Variants in IFFO1 observed in about 807,000 individuals in gnomAD.
The protein encoded by IFFO1 is intermediate filament family orphan 1.
A neutral mutation model predicts 59.6 loss-of-function variants in IFFO1; 42 were observed. That is an observed-to-expected ratio of 0.70 (90% CI 0.55 to 0.91). The LOEUF (loss-of-function observed/expected upper bound fraction) is 0.91, where lower values mean the gene tolerates loss of function less well. IFFO1 is among the 40% of genes least tolerant of loss of function. The pLI is 0.00. For missense variants in IFFO1, 711 were observed against 793.2 expected (o/e 0.90, Z 1.24); for synonymous variants, 336 against 342.8 (o/e 0.98, Z 0.22).
rs754204633 is a variant in IFFO1 at position 6,555,872 on chromosome 12, G to T, written c.158C>A (p.Pro53Gln). ...AGGCGGGGCCGGGCCCGGCCCGGGC[G>T]GCGAGTAGGCAGCAGGGCCGGCCGG... ...LSPAGPAAYSPPGPGPAPPAA... is the reference protein window; with the variant it reads ...LSPAGPAAYSQPGPGPAPPAA... The change falls in exon 1 of 10, where the codon CCG becomes CAG. Residue 53 changes from proline (P) to glutamine (Q), a missense_variant. Physicochemically the swap from Pro to Gln is moderately conservative, Grantham distance 76. Transcript: ENST00000619571. This position sits in a 1 kb window ranked among gnomAD's most constrained non-coding sequence, Gnocchi z 8.6. 2 of 1,605,434 alleles carry T rather than the reference G, an allele frequency of 1.2e-6. No individual in the cohort carries two copies. Among genetic ancestry groups the T allele is most frequent in the African/African-American group, 1.3e-5 (1 of 74,212 alleles).
At position 6,540,040 on chromosome 12, in the gene IFFO1, C is replaced by T. The variant is rs953946395; in HGVS notation, c.*443G>A. On this transcript the variant is annotated 3_prime_UTR_variant, in exon 10 of 10. Transcript: ENST00000619571. The stretch of plus-strand genomic sequence containing the variant: ...AGCTGCGTGTGCTGCAGAGGCCATG[C>T]GTAGCCTCCAGCTGCATTCTATTCC... The T allele has an allele frequency of 1.4e-5, 3 of 221,016 alleles. No individual in the cohort carries two copies. Among genetic ancestry groups the T allele is most frequent in the Admixed American group, 5.3e-5 (1 of 18,980 alleles). 13.7% of individuals were successfully genotyped at this position (221,016 alleles called of 1,614,324 possible). A position where few individuals can be genotyped will look rare whatever the true frequency, so the allele number is the denominator to read the frequency against.
chr12:6,550,934 C>T lies in IFFO1; in HGVS notation c.834+7G>A. On this transcript the variant is annotated splice_region_variant and intron_variant, in intron 2 of 9. Transcript: ENST00000619571. ...AGCACCAGCAGCAAGTGGGGCGCCA[C>T]CCTCACCTCCTGGAGCTCATTTACA... 4 of 1,613,998 alleles carry T rather than the reference C, an allele frequency of 2.5e-6. No homozygotes were observed. The highest frequency in any genetic ancestry group is 1.7e-4 in the Middle Eastern group (1 of 6,060).
intron 1 of IFFO1, among the ~76,000 whole-genome samples, chr12:6,554,453 T>C (rs1271936828): frequency 6.6e-6 from 1 of 152,208 alleles, no homozygotes; most frequent in Non-Finnish European, 1.5e-5. Context: ...ATCACATCCC[T>C]TTCCCTTGCC....
chr12:6,551,069 T>A (rs1947213401), intron 1 of IFFO1, 68 bp from the exon 2 acceptor site: 3 of 1,487,446 alleles, frequency 2.0e-6, no homozygotes, highest in Non-Finnish European at 2.8e-6. Context: ...TGGCTCCCTG[T>A]CCCCACCTCT....
In IFFO1 at chr12:6,540,600, C is replaced by T; in HGVS notation, c.1611-12G>A. On this transcript the variant is annotated splice_polypyrimidine_tract_variant and intron_variant, in intron 9 of 9. Coordinates refer to ENST00000619571, the MANE Select transcript of IFFO1 (RefSeq NM_001193457.2). The stretch of plus-strand genomic sequence containing the variant: ...AAGCAGGAGACTTTCTAGAAAAAAA[C>T]ACCAGTTGTCAACCTTGGGGCAGGC... The T allele has an allele frequency of 6.2e-7, 1 of 1,608,944 alleles. No individual in the cohort carries two copies. Among genetic ancestry groups the T allele is most frequent in the South Asian group, 1.1e-5 (1 of 90,954 alleles).
Position 6,549,491 on chromosome 12 carries a change from A to C in IFFO1, c.1072-7T>G, listed in dbSNP as rs376580590. 16 of 1,611,474 alleles carry C rather than the reference A, an allele frequency of 9.9e-6. No homozygotes were observed. The African/African-American group carries it at 2.0e-4, about 20-fold the overall frequency. ...TCAAACTAACCAGCTTCTTCTGTGG[A>C]GGAAGCAAGAGAGAAGATGAGAGGA... On this transcript the variant is annotated splice_region_variant and splice_polypyrimidine_tract_variant and intron_variant, in intron 4 of 9. Transcript: ENST00000619571. The surrounding 1 kb of genome is among the most constrained non-coding windows in gnomAD (Gnocchi z 5.0).
At chr12:6,552,072 G>T (rs990251577) in intron 1 of IFFO1, among the ~76,000 whole-genome samples, 2 of 152,188 alleles carry the variant, frequency 1.3e-5, no homozygotes, top group Non-Finnish European at 2.9e-5. Context: ...GAAGGGAGGG[G>T]AACTGCACCA....
chr12:6,538,966 A>G (rs1280052484), downstream of IFFO1: 1 of 152,224 alleles, frequency 6.6e-6, no homozygotes, highest in African/African-American at 2.4e-5. Flanking sequence ...CCCACCTCGC[A>G]TAGTTTTGAG....
At chr12:6,546,671 C>T (rs956731848) in intron 8 of IFFO1, among the ~76,000 whole-genome samples, 3 of 151,120 alleles carry the variant, frequency 2.0e-5, no homozygotes, top group African/African-American at 2.4e-5. Context: ...TTGTATTTTT[C>T]GTAGAGACGG....
chr12:6,541,505 C>T lies in IFFO1; in HGVS notation c.1610+7G>A, dbSNP rs371732239. On this transcript the variant is annotated splice_region_variant and intron_variant, in intron 9 of 9. Transcript: ENST00000619571. This position sits in a 1 kb window ranked among gnomAD's most constrained non-coding sequence, Gnocchi z 4.8. ...TGGAAGGCCCCATGCCCAGGGGAGG[C>T]GCCTACCGGTCTCCAGACTGGGTGA... 3.2e-5 allele frequency: 52 copies of T among 1,613,010 alleles called. No homozygotes were observed. The Admixed American group carries it at 4.0e-4, about 12-fold the overall frequency.
chr12:6,549,602 C>T lies in IFFO1; in HGVS notation c.1072-118G>A. The T allele has an allele frequency of 7.5e-7, 1 of 1,331,780 alleles. No homozygotes were observed. The highest frequency in any genetic ancestry group is 1.1e-6 in the Non-Finnish European group (1 of 935,444). The allele number at this position is 1,331,780 out of a possible 1,614,324, so 82.5% of individuals were successfully genotyped here. A position where few individuals can be genotyped will look rare whatever the true frequency, so the allele number is the denominator to read the frequency against. On this transcript the variant is annotated intron_variant, in intron 4 of 9. Coordinates refer to ENST00000619571, the MANE Select transcript of IFFO1 (RefSeq NM_001193457.2). This position sits in a 1 kb window ranked among gnomAD's most constrained non-coding sequence, Gnocchi z 5.0. Reference sequence around the variant, plus strand: ...AGCTTCCACGATGCCCCTCCTGATGCTGCTCCTTACCCCCCAGTCTAGCCC... The same window carrying T: ...AGCTTCCACGATGCCCCTCCTGATGTTGCTCCTTACCCCCCAGTCTAGCCC...
chr12:6,540,455 GC>G lies in IFFO1; in HGVS notation c.*27del. On this transcript the variant is annotated 3_prime_UTR_variant, in exon 10 of 10. Coordinates refer to ENST00000619571, the MANE Select transcript of IFFO1 (RefSeq NM_001193457.2). Reference sequence around the variant, plus strand: ...CCTCGCTGAGCTCCCTGCTGCGAGGGCCTCGGGTGCAAGGGGGAGGCAGGTC... The same window carrying G: ...CCTCGCTGAGCTCCCTGCTGCGAGGGCTCGGGTGCAAGGGGGAGGCAGGTC... 6.4e-7 allele frequency: 1 copy of G among 1,566,378 alleles called. No individual in the cohort carries two copies.
At chr12:6,545,721 T>C (rs1946930058) in intron 8 of IFFO1, among the ~76,000 whole-genome samples, 2 of 147,232 alleles carry the variant, frequency 1.4e-5, no homozygotes, top group African/African-American at 2.5e-5. Context: ...AAAACCTCAC[T>C]CTATCCAGAC....
Position 6,555,895 on chromosome 12 carries a change from C to T in IFFO1, c.135G>A (p.Pro45=), listed in dbSNP as rs1336477602. The T allele has an allele frequency of 4.4e-6, 7 of 1,575,266 alleles. No individual in the cohort carries two copies. Among genetic ancestry groups the T allele is most frequent in the Non-Finnish European group, 6.0e-6 (7 of 1,164,510 alleles). The change falls in exon 1 of 10, where the codon CCG becomes CCA. Residue 45 remains proline, a synonymous_variant. Transcript: ENST00000619571. The surrounding 1 kb of genome is among the most constrained non-coding windows in gnomAD (Gnocchi z 8.6). The part of the protein sequence containing the change: ...GGDLPPAPLS[P]AGPAAYSPPG... ...GCGGCGAGTAGGCAGCAGGGCCGGC[C>T]GGCGAGAGAGGCGCCGGGGGCAAGT...
intron 1 of IFFO1, among the ~76,000 whole-genome samples, chr12:6,554,032 G>C (rs762476263): frequency 6.6e-6 from 1 of 150,920 alleles, no homozygotes; most frequent in South Asian, 2.1e-4. Flanking sequence ...CAGTGTTTAC[G>C]AAATCCTGTA....
intron 1 of IFFO1, among the ~76,000 whole-genome samples, 180 bp from the exon 2 acceptor site, chr12:6,551,181 C>T (rs1474711272): frequency 2.0e-5 from 3 of 152,354 alleles, no homozygotes; most frequent in Admixed American, 6.5e-5. Flanking sequence ...AGCTGTCACG[C>T]GGCTCTGTGC....
chr12:6,551,560 A>G (rs1272047525), intron 1 of IFFO1: 10 of 1,030,336 alleles, frequency 9.7e-6, no homozygotes, highest in Non-Finnish European at 1.2e-5. Flanking sequence ...GGAGACACTC[A>G]AAGTCCTTCC....
rs376046532 is a variant in IFFO1, at chr12:6,541,745, G to A, written c.1480-103C>T. On this transcript the variant is annotated intron_variant, in intron 8 of 9. Transcript: ENST00000619571. The surrounding 1 kb of genome is among the most constrained non-coding windows in gnomAD (Gnocchi z 4.8). ...ACACGCCAAGAGCAGTGGCTGGGCC[G>A]GGGGCCCAGGCAGCCATTACTGAAG... 39 of 1,417,058 alleles carry A rather than the reference G, an allele frequency of 2.8e-5. No individual in the cohort carries two copies. Among genetic ancestry groups the A allele is most frequent in the Middle Eastern group, 1.9e-4 (1 of 5,274 alleles). The allele number at this position is 1,417,058 out of a possible 1,614,324, so 87.8% of individuals were successfully genotyped here.
Position 6,549,237 on chromosome 12 carries a change from G to T in IFFO1, c.1080+239C>A, listed in dbSNP as rs898658462. On this transcript the variant is annotated intron_variant, in intron 5 of 9. Transcript: ENST00000619571. This position sits in a 1 kb window ranked among gnomAD's most constrained non-coding sequence, Gnocchi z 5.0. ...CGCAAGGAGGATGAGTGTGCAATGT[G>T]TACAAAAGAGAACCTGAATCACATC... 18 of 616,578 alleles carry T rather than the reference G, an allele frequency of 2.9e-5. No homozygotes were observed. The African/African-American group carries it at 3.3e-4, about 11-fold the overall frequency. The allele number at this position is 616,578 out of a possible 1,614,324, so 38.2% of individuals were successfully genotyped here.
Sources: allele counts gnomAD v4.1 joint callset (sites outside exome capture counted in the v4.1 genomes callset), GRCh38; gene constraint gnomAD v4.1.1; non-coding constraint Gnocchi (gnomAD v3.1); transcripts MANE v1.5; gene names NCBI Gene and HGNC (gene_info 2026-07-23, HGNC 2026-07-21).